Variants in MGAT4C observed in about 807,000 individuals in gnomAD.
MGAT4C encodes alpha-1,3-mannosyl-glycoprotein 4-beta-N-acetylglucosaminyltransferase C.
Under a neutral mutation model 40.1 loss-of-function variants are expected in MGAT4C, and 19 were observed. The ratio of observed to expected loss-of-function variants is 0.47; its 90% CI spans 0.33 to 0.70. The LOEUF (loss-of-function observed/expected upper bound fraction) is 0.70, where lower values mean the gene tolerates loss of function less well. MGAT4C is among the 30% of genes least tolerant of loss of function. MGAT4C has a pLI of 0.02. For synonymous variants in MGAT4C, 181 were observed against 187.1 expected (o/e 0.97, Z 0.27); for missense variants, 491 against 563.2 (o/e 0.87, Z 1.30).
intron 4 of MGAT4C, 55 bp from the exon 5 acceptor site, chr12:85,980,485 T>C: frequency 1.4e-6 from 2 of 1,446,162 alleles, no homozygotes; most frequent in Non-Finnish European, 1.9e-6. Flanking sequence ...ATGGAAAAAG[T>C]AAAAGAGAGA....
chr12:86,532,621 G>A (rs1781433088), intron 2 of MGAT4C, among the ~76,000 whole-genome samples: 1 of 151,940 alleles, frequency 6.6e-6, no homozygotes, highest in Non-Finnish European at 1.5e-5. Context: ...ATTAAATTTA[G>A]TTTAACTAGC....
At position 86,265,383 on chromosome 12, in the gene MGAT4C, C is replaced by A. The variant is rs77984142; in HGVS notation, c.-57+68682G>T. On this transcript the variant is annotated intron_variant, in intron 4 of 7. Transcript: ENST00000548651. ...GACAGTTTCATTTTTCTTCATGTGGCCATTCAATCTTCCCACCACTGTTTA... is the reference window on the plus strand; with the variant it reads ...GACAGTTTCATTTTTCTTCATGTGGACATTCAATCTTCCCACCACTGTTTA... Among the ~76,000 whole-genome samples the A allele has an allele frequency of 1.9e-4, 29 of 152,300 alleles. 3 individuals carry two copies. The highest frequency in any genetic ancestry group is 1.5e-3 in the Admixed American group (23 of 15,300).
At chr12:86,806,069 T>G (rs188924656) in intron 1 of MGAT4C, among the ~76,000 whole-genome samples, 18 of 152,006 alleles carry the variant, frequency 1.2e-4, no homozygotes, top group African/African-American at 3.9e-4. Flanking sequence ...GAATCCTGGT[T>G]TCTACCTCTT....
At chr12:86,314,459 G>A (rs921020847) in intron 4 of MGAT4C, among the ~76,000 whole-genome samples, 1 of 152,096 alleles carries the variant, frequency 6.6e-6, no homozygotes, top group Non-Finnish European at 1.5e-5. Flanking sequence ...AATCAGGCAA[G>A]AGAAAAAAGT....
At chr12:86,322,222 G>A (rs1450904756) in intron 4 of MGAT4C, among the ~76,000 whole-genome samples, 6 of 116,630 alleles carry the variant, frequency 5.1e-5, no homozygotes, top group Middle Eastern at 6.6e-3. Context: ...GGGGCCTGTC[G>A]TGGGGTGGGG....
At chr12:86,407,753 T>C (rs1555184939) in intron 3 of MGAT4C, among the ~76,000 whole-genome samples, 1 of 152,132 alleles carries the variant, frequency 6.6e-6, no homozygotes, top group South Asian at 2.1e-4. Flanking sequence ...GTTCATTTAG[T>C]ACATACTCGG....
intron 1 of MGAT4C, among the ~76,000 whole-genome samples, chr12:86,747,359 AG>A (rs1461267311): frequency 6.6e-6 from 1 of 151,650 alleles, no homozygotes; most frequent in African/African-American, 2.4e-5. Context: ...CTGTCCAACT[AG>A]GCGTGTATTT....
chr12:86,577,618 G>A (rs1040817919), intron 2 of MGAT4C, among the ~76,000 whole-genome samples: 7 of 151,632 alleles, frequency 4.6e-5, no homozygotes, highest in East Asian at 1.9e-4. Flanking sequence ...AGCCATCCTC[G>A]CATTCCACAG....
At chr12:86,545,185 T>C (rs746277823) in intron 2 of MGAT4C, among the ~76,000 whole-genome samples, 4 of 151,018 alleles carry the variant, frequency 2.6e-5, no homozygotes, top group Admixed American at 6.6e-5. Context: ...AATCAATTTA[T>C]AAATGATGAC....
chr12:86,777,098 T>G (rs919172799), intron 1 of MGAT4C, among the ~76,000 whole-genome samples: 1 of 152,186 alleles, frequency 6.6e-6, no homozygotes, highest in Admixed American at 6.5e-5. Flanking sequence ...AATTGCCAAA[T>G]CACAACAGTG....
intron 4 of MGAT4C, among the ~76,000 whole-genome samples, chr12:86,311,256 C>G (rs1416945084): frequency 1.3e-5 from 2 of 152,122 alleles, no homozygotes; most frequent in Admixed American, 1.3e-4. Context: ...GGCTACAAAC[C>G]TGTATGGCAT....
chr12:86,220,092 G>A (rs1950824458), intron 1 of MGAT4C, among the ~76,000 whole-genome samples: 1 of 151,998 alleles, frequency 6.6e-6, no homozygotes, highest in South Asian at 2.1e-4. Context: ...AGAGCCTCAA[G>A]GATTGGCTTC....
chr12:86,588,482 T>C (rs1418588630), intron 2 of MGAT4C, among the ~76,000 whole-genome samples: 2 of 151,894 alleles, frequency 1.3e-5, no homozygotes, highest in South Asian at 2.1e-4. Context: ...CTGTCAACAT[T>C]AGACAGATCA....
At chr12:86,825,257 T>C (rs754122835) in intron 1 of MGAT4C, among the ~76,000 whole-genome samples, 8 of 151,042 alleles carry the variant, frequency 5.3e-5, no homozygotes, top group Non-Finnish European at 8.9e-5. Context: ...CCAAAAAAGA[T>C]GGAGTTCATG....
intron 4 of MGAT4C, among the ~76,000 whole-genome samples, chr12:86,268,912 C>G (rs1475238611): frequency 7.1e-6 from 1 of 140,442 alleles, no homozygotes; most frequent in Non-Finnish European, 1.5e-5. Flanking sequence ...GCCTGAAAAA[C>G]AAGTAGAGGA....
At chr12:86,481,370 A>G (rs1957934289) in intron 2 of MGAT4C, among the ~76,000 whole-genome samples, 1 of 152,070 alleles carries the variant, frequency 6.6e-6, no homozygotes, top group South Asian at 2.1e-4. Flanking sequence ...TTGCTCTCAT[A>G]TGCTTTTGTT....
intron 1 of MGAT4C, among the ~76,000 whole-genome samples, chr12:86,809,203 C>T (rs1353332230): frequency 6.6e-6 from 1 of 152,008 alleles, no homozygotes; most frequent in Non-Finnish European, 1.5e-5. Flanking sequence ...TTAGCATAAT[C>T]CTTTCAAGAT....
At chr12:86,587,092 C>G (rs1217841351) in intron 2 of MGAT4C, among the ~76,000 whole-genome samples, 3 of 151,974 alleles carry the variant, frequency 2.0e-5, no homozygotes, top group Non-Finnish European at 1.5e-5. Context: ...TTAGGTCTAA[C>G]ATTTAAGTCT....
intron 3 of MGAT4C, among the ~76,000 whole-genome samples, chr12:86,372,419 T>C (rs1274379234): frequency 6.6e-6 from 1 of 151,898 alleles, no homozygotes; most frequent in Non-Finnish European, 1.5e-5. Context: ...ACAAAACTAA[T>C]ACTTTAAAAT....
Sources: allele counts gnomAD v4.1 joint callset (sites outside exome capture counted in the v4.1 genomes callset), GRCh38; gene constraint gnomAD v4.1.1; transcripts MANE v1.5; gene names NCBI Gene and HGNC (gene_info 2026-07-23, HGNC 2026-07-21).